PPP3CA: variants seen among roughly 807,000 people sequenced by gnomAD.
PPP3CA encodes protein phosphatase 3 catalytic subunit alpha.
In PPP3CA, 14 loss-of-function variants were observed where a neutral mutation model predicts 66.5. The observed-to-expected ratio is 0.21, with a 90% CI of 0.14 to 0.33. PPP3CA has a LOEUF of 0.33. PPP3CA is among the 10% of genes least tolerant of loss of function. PPP3CA has a pLI of 1.00. For missense variants in PPP3CA, 317 were observed against 639.5 expected, an observed-to-expected ratio of 0.50 and a Z score of 5.44; for synonymous variants, 232 against 226.2, an observed-to-expected ratio of 1.03 and a Z score of -0.23.
At position 101,344,726 on chromosome 4, in the gene PPP3CA, TA is replaced by T. The variant is rs3840162; in HGVS notation, c.58+2012del. On this transcript the variant is annotated intron_variant, in intron 1 of 13. Transcript: ENST00000394854. ...AGTAGAGAAACTAAGCCAGAAAGTATAAACATTTATTTTTACATGTTCACCT... is the reference window on the plus strand; with the variant it reads ...AGTAGAGAAACTAAGCCAGAAAGTATAACATTTATTTTTACATGTTCACCT... Among the ~76,000 whole-genome samples the T allele has an allele frequency of 1.9e-4, 29 of 152,306 alleles. No homozygotes were observed. In the East Asian group the frequency reaches 5.0e-3, roughly 26 times the overall value.
At chr4:101,290,696 T>C (rs1444473193) in intron 1 of PPP3CA, among the ~76,000 whole-genome samples, 1 of 152,122 alleles carries the variant, frequency 6.6e-6, no homozygotes, top group Non-Finnish European at 1.5e-5. Flanking sequence ...AGGCAGTTAA[T>C]GCTATTGAGA....
At chr4:101,030,637 CTG>C (rs1415814756) in intron 12 of PPP3CA, among the ~76,000 whole-genome samples, 2 of 151,988 alleles carry the variant, frequency 1.3e-5, no homozygotes, top group Non-Finnish European at 2.9e-5. Flanking sequence ...AAGTGAAAAT[CTG>C]GAAATGAAAC....
At chr4:101,099,991 A>G (rs1271105574) in intron 3 of PPP3CA, among the ~76,000 whole-genome samples, 1 of 152,042 alleles carries the variant, frequency 6.6e-6, no homozygotes, top group Admixed American at 6.6e-5. Flanking sequence ...GGTCAACAGA[A>G]GGAGAATTAT....
chr4:101,273,120 T>C (rs1362736564), intron 1 of PPP3CA, among the ~76,000 whole-genome samples: 2 of 63,542 alleles, frequency 3.1e-5, no homozygotes, highest in African/African-American at 7.9e-5. Context: ...CATGACTTGA[T>C]AGATGTAAGT....
intron 2 of PPP3CA, among the ~76,000 whole-genome samples, chr4:101,141,381 C>CA (rs575073500): frequency 6.6e-6 from 1 of 151,968 alleles, no homozygotes; most frequent in African/African-American, 2.4e-5. Flanking sequence ...AAAAAACAAA[C>CA]AAAAAACCCC....
At chr4:101,341,635 C>T (rs571577538) in intron 1 of PPP3CA, among the ~76,000 whole-genome samples, 54 of 152,280 alleles carry the variant, frequency 3.5e-4, no homozygotes, top group Non-Finnish European at 6.8e-4. Flanking sequence ...CTTCGGTCCT[C>T]ACAAGTTGAC....
chr4:101,132,696 G>A (rs1722486605), intron 2 of PPP3CA, among the ~76,000 whole-genome samples: 1 of 152,060 alleles, frequency 6.6e-6, no homozygotes, highest in African/African-American at 2.4e-5. Flanking sequence ...ACCATTTCAT[G>A]TGAAAATATT....
At chr4:101,159,587 C>T (rs1040602073) in intron 2 of PPP3CA, among the ~76,000 whole-genome samples, 1 of 152,140 alleles carries the variant, frequency 6.6e-6, no homozygotes, top group Admixed American at 6.5e-5. Context: ...AAAAGAAAGA[C>T]AGCTTTATTA....
At chr4:101,343,965 A>G (rs1729901072) in intron 1 of PPP3CA, among the ~76,000 whole-genome samples, 1 of 152,184 alleles carries the variant, frequency 6.6e-6, no homozygotes, top group East Asian at 1.9e-4. Context: ...AGCAAATGCC[A>G]TGGCATGCCA....
At chr4:101,228,206 T>A (rs1725843356) in intron 1 of PPP3CA, among the ~76,000 whole-genome samples, 1 of 151,744 alleles carries the variant, frequency 6.6e-6, no homozygotes, top group African/African-American at 2.4e-5. Context: ...TCTATTGTCA[T>A]CTAAACAGAA....
chr4:101,030,372 GGAGA>G (rs923865029), intron 12 of PPP3CA, among the ~76,000 whole-genome samples: 5 of 152,022 alleles, frequency 3.3e-5, no homozygotes, highest in African/African-American at 9.7e-5. Context: ...TTATCACCAT[GGAGA>G]GAGAGAGTAC....
At chr4:101,116,574 G>C (rs1323422178) in intron 2 of PPP3CA, among the ~76,000 whole-genome samples, 1 of 151,876 alleles carries the variant, frequency 6.6e-6, no homozygotes, top group African/African-American at 2.4e-5. Context: ...TAAGTGGATG[G>C]TAAGTTCAAG....
chr4:101,076,556 A>T (rs1406278303), intron 8 of PPP3CA, among the ~76,000 whole-genome samples: 1 of 152,224 alleles, frequency 6.6e-6, no homozygotes, highest in African/African-American at 2.4e-5. Flanking sequence ...GGAAACGCAG[A>T]CTGGAGTGGG....
intron 11 of PPP3CA, among the ~76,000 whole-genome samples, chr4:101,034,253 C>T (rs1727142436): frequency 6.6e-6 from 1 of 152,182 alleles, no homozygotes. Context: ...TTGTCATCCT[C>T]CTGCCCTGGC....
intron 1 of PPP3CA, among the ~76,000 whole-genome samples, chr4:101,302,401 G>A: frequency 6.6e-6 from 1 of 152,192 alleles, no homozygotes; most frequent in Non-Finnish European, 1.5e-5. Context: ...CAAAAAGCAA[G>A]GATAAACTTT....
At chr4:101,094,679 T>C (rs565944914) in intron 5 of PPP3CA, among the ~76,000 whole-genome samples, 209 of 152,284 alleles carry the variant, frequency 1.4e-3, no homozygotes, top group African/African-American at 4.8e-3. Context: ...GAAATCAATT[T>C]TCCAGCTATA....
chr4:101,270,020 T>G (rs1008906210), intron 1 of PPP3CA, among the ~76,000 whole-genome samples: 1 of 152,168 alleles, frequency 6.6e-6, no homozygotes, highest in Non-Finnish European at 1.5e-5. Flanking sequence ...TAAGGGCATA[T>G]AACATGTGAG....
intron 1 of PPP3CA, among the ~76,000 whole-genome samples, chr4:101,337,971 C>T (rs142262881): frequency 1.9e-3 from 288 of 152,286 alleles, no homozygotes; most frequent in African/African-American, 6.7e-3. Context: ...AAGTTATCAC[C>T]TATCGGGGTG....
intron 2 of PPP3CA, among the ~76,000 whole-genome samples, chr4:101,174,121 A>G (rs538289129): frequency 1.2e-4 from 18 of 151,894 alleles, no homozygotes; most frequent in African/African-American, 4.3e-4. Context: ...ACAAACTAAC[A>G]AAAAAAACCA....
Sources: allele counts gnomAD v4.1 joint callset (sites outside exome capture counted in the v4.1 genomes callset), GRCh38; gene constraint gnomAD v4.1.1; transcripts MANE v1.5; gene names NCBI Gene and HGNC (gene_info 2026-07-23, HGNC 2026-07-21).